The following GET1 variants were observed in gnomAD, a reference collection of about 807,000 sequenced individuals.
GET1 encodes the protein congenital heart disease 5 protein.
Under a neutral mutation model 22.6 loss-of-function variants are expected in GET1, and 20 were observed. That is an observed-to-expected ratio of 0.89 (90% CI 0.62 to 1.29). The LOEUF (loss-of-function observed/expected upper bound fraction) is 1.29. GET1 is among the 50% of genes most tolerant of loss of function. The probability of loss-of-function intolerance (pLI) is 0.00; values close to 1 mark genes in which losing one functional copy is unlikely to be tolerated. For synonymous variants in GET1, 92 were observed against 83.8 expected (o/e 1.10, Z -0.53); for missense variants, 209 against 219.9 (o/e 0.95, Z 0.31).
intron 1 of GET1, among the ~76,000 whole-genome samples, chr21:39,382,062 TTTTTTTTTTTGAGACAGAGTCTCACTCTG>T (rs1396696425): frequency 6.6e-6 from 1 of 151,104 alleles, no homozygotes; most frequent in Admixed American, 6.6e-5. Flanking sequence ...ATTTTCTTTT[TTTTTTTTTTTGAGACAGAGTCTCACTCTG>T]TTGCCTATGT....
Position 39,393,240 on chromosome 21 carries a change from C to A in GET1, c.411C>A (p.Thr137=). 1 of 1,614,150 alleles carries A rather than the reference C, an allele frequency of 6.2e-7. No individual in the cohort carries two copies. The highest frequency in any genetic ancestry group is 8.5e-7 in the Non-Finnish European group (1 of 1,180,014). Residue 137 remains threonine, a synonymous_variant, in exon 4 of 5, where the codon ACC becomes ACA. Coordinates refer to ENST00000649170, the MANE Select transcript of GET1 (RefSeq NM_004627.6). ...PVAVVPSKWI[T]PLDRLVAFPT... Reference sequence around the variant, plus strand: ...CTGTCGTGCCGAGTAAATGGATAACCCCTCTAGACCGCCTGGTAGCCTTTC... The same window carrying A: ...CTGTCGTGCCGAGTAAATGGATAACACCTCTAGACCGCCTGGTAGCCTTTC...
chr21:39,403,166 C>G (rs1288507548), intron 4 of GET1, among the ~76,000 whole-genome samples: 1 of 152,150 alleles, frequency 6.6e-6, no homozygotes, highest in Non-Finnish European at 1.5e-5. Context: ...TGTCATCTCA[C>G]TTAATTTGCG....
chr21:39,385,858 G>A (rs2037855697), intron 1 of GET1, among the ~76,000 whole-genome samples: 1 of 152,216 alleles, frequency 6.6e-6, no homozygotes, highest in Admixed American at 6.5e-5. Context: ...CACACACTGC[G>A]CAGGCGCTCC....
intron 4 of GET1, among the ~76,000 whole-genome samples, chr21:39,394,357 T>C (rs560371965): frequency 6.6e-6 from 1 of 152,304 alleles, no homozygotes; most frequent in Admixed American, 6.5e-5. Context: ...ATAAGATTCC[T>C]ATTAGCTTTT....
chr21:39,393,065 A>T, intron 3 of GET1, 101 bp from the exon 4 acceptor site: 1 of 974,892 alleles, frequency 1.0e-6, no homozygotes. Flanking sequence ...CTCAGTCTGG[A>T]GAGTTTTCCT....
chr21:39,410,438 A>G (rs528038225), downstream of GET1: 350 of 807,498 alleles, frequency 4.3e-4, no homozygotes, highest in Non-Finnish European at 6.5e-4. Context: ...TTAAACATAA[A>G]ATAACTTTTA....
At chr21:39,380,521 G>A (rs1458327140) in intron 1 of GET1, 35 bp downstream of exon 1, 5 of 1,589,366 alleles carry the variant, frequency 3.1e-6, no homozygotes, top group Non-Finnish European at 4.3e-6. Flanking sequence ...GGGCCGGTGG[G>A]GATGCCGCCC....
downstream of GET1, among the ~76,000 whole-genome samples, chr21:39,402,342 T>C (rs1378258690): frequency 6.6e-6 from 1 of 152,176 alleles, no homozygotes. Flanking sequence ...TGGCCTCAAG[T>C]GATCTGCCTG....
At chr21:39,410,421 A>G (rs1984553612), downstream of GET1, 1 of 926,038 alleles carries the variant, frequency 1.1e-6, no homozygotes, top group Admixed American at 2.4e-5. Flanking sequence ...TGGATACAAT[A>G]TTGATTTTAA....
chr21:39,391,246 C>T (rs554797326), intron 2 of GET1: 1 of 223,996 alleles, frequency 4.5e-6, no homozygotes, highest in African/African-American at 2.3e-5. Context: ...CAGCAGTGTC[C>T]TCTTCTGAGT....
At chr21:39,402,417 C>T (rs1389802203), downstream of GET1, among the ~76,000 whole-genome samples, 1 of 152,164 alleles carries the variant, frequency 6.6e-6, no homozygotes, top group African/African-American at 2.4e-5. Context: ...GAGTTCTTTA[C>T]TTACAATCTT....
At chr21:39,419,196 C>T (rs2041841318) in intron 1 of GET1, among the ~76,000 whole-genome samples, 1 of 152,098 alleles carries the variant, frequency 6.6e-6, no homozygotes, top group East Asian at 1.9e-4. Flanking sequence ...TCTCAAGGCT[C>T]CTGGAAAATC....
At chr21:39,427,386 GGC>G in intron 1 of GET1, among the ~76,000 whole-genome samples, 1 of 152,272 alleles carries the variant, frequency 6.6e-6, no homozygotes. Context: ...CAAAGAGCCG[GGC>G]GCGGTGGCTC....
intron 1 of GET1, among the ~76,000 whole-genome samples, chr21:39,421,137 C>G (rs1004912249): frequency 3.5e-5 from 5 of 144,260 alleles, no homozygotes; most frequent in Non-Finnish European, 6.0e-5. Context: ...GAGTCTTGCT[C>G]TGTTGCCCAG....
chr21:39,394,940 G>A (rs1280652063), intron 4 of GET1, among the ~76,000 whole-genome samples: 1 of 151,712 alleles, frequency 6.6e-6, no homozygotes, highest in Non-Finnish European at 1.5e-5. Context: ...CACCCTCATA[G>A]CTCACTACAG....
At chr21:39,393,413 C>A in intron 4 of GET1, 133 bp downstream of exon 4, 1 of 678,384 alleles carries the variant, frequency 1.5e-6, no homozygotes, top group Non-Finnish European at 2.5e-6. Flanking sequence ...CTCAGCCTCA[C>A]ATGAGGCTTC....
At chr21:39,399,294 A>T (rs1401612563), downstream of GET1, among the ~76,000 whole-genome samples, 6 of 152,028 alleles carry the variant, frequency 3.9e-5, no homozygotes, top group East Asian at 1.9e-4. Context: ...GTTTTTTTTT[A>T]AAAATGGAAC....
intron 1 of GET1, among the ~76,000 whole-genome samples, chr21:39,389,522 C>T (rs1358370033): frequency 6.6e-6 from 1 of 152,170 alleles, no homozygotes; most frequent in Admixed American, 6.5e-5. Context: ...TTTCTGTGAT[C>T]ACCCTTTTGT....
intron 1 of GET1, among the ~76,000 whole-genome samples, chr21:39,416,573 TC>T (rs2041199183): frequency 6.6e-6 from 1 of 152,200 alleles, no homozygotes; most frequent in African/African-American, 2.4e-5. Context: ...TGTTCATTGC[TC>T]CTGGTTACTC....
Sources: gnomAD v4.1 joint callset for allele counts (sites outside exome capture counted in the v4.1 genomes callset) on GRCh38, gnomAD v4.1.1 for gene constraint, MANE v1.5 for transcripts, NCBI Gene and HGNC (gene_info 2026-07-23, HGNC 2026-07-21) for gene names.